The following DLG2 variants were observed in gnomAD, a reference collection of about 807,000 sequenced individuals.
DLG2 encodes discs large MAGUK scaffold protein 2, also known as disks large homolog 2.
Under a neutral mutation model 132.5 loss-of-function variants are expected in DLG2, and 45 were observed. The observed-to-expected ratio is 0.34, with a 90% CI of 0.27 to 0.44. The LOEUF (loss-of-function observed/expected upper bound fraction) is 0.44. Among genes scored for constraint, DLG2 ranks in the 20% least tolerant of loss-of-function variants. DLG2 has a pLI of 1.00. For synonymous variants in DLG2, 424 were observed against 419.6 expected, an observed-to-expected ratio of 1.01 and a Z score of -0.13; for missense variants, 1,045 against 1,196.9, an observed-to-expected ratio of 0.87 and a Z score of 1.87.
chr11:83,550,545 G>A (rs1292564664), intron 19 of DLG2, among the ~76,000 whole-genome samples: 4 of 152,144 alleles, frequency 2.6e-5, no homozygotes, highest in Non-Finnish European at 5.9e-5. Context: ...AGGCAAATCT[G>A]AACCTGCGCA....
At chr11:84,810,819 G>A (rs1272720137) in intron 6 of DLG2, among the ~76,000 whole-genome samples, 1 of 151,980 alleles carries the variant, frequency 6.6e-6, no homozygotes, top group African/African-American at 2.4e-5. Context: ...ATTATGCTGA[G>A]TTAAAAAAAA....
At chr11:84,585,889 C>T (rs1188958745) in intron 6 of DLG2, among the ~76,000 whole-genome samples, 1 of 152,230 alleles carries the variant, frequency 6.6e-6, no homozygotes, top group South Asian at 2.1e-4. Context: ...TGTGGGCTTA[C>T]ACCTGTAATC....
At chr11:84,092,213 T>C (rs1253136575) in intron 10 of DLG2, among the ~76,000 whole-genome samples, 2 of 152,204 alleles carry the variant, frequency 1.3e-5, no homozygotes, top group South Asian at 2.1e-4. Context: ...TGTAGGTTAT[T>C]AGGGGGCATC....
In DLG2 at chr11:85,066,230, C is replaced by A. The variant is rs569500914; in HGVS notation, c.357+45431G>T. Among the ~76,000 whole-genome samples the A allele has an allele frequency of 4.0e-5, 6 of 151,656 alleles. No individual in the cohort carries two copies. In the South Asian group the frequency reaches 1.2e-3, roughly 32 times the overall value. ...TGAACAAATTCCTGGAAACAAACAA[C>A]CTCCCAAGAATGACCAGGAAGAAAT... On this transcript the variant is annotated intron_variant, in intron 6 of 27. Transcript: ENST00000376104.
chr11:85,049,531 G>A (rs1270341984), intron 6 of DLG2, among the ~76,000 whole-genome samples: 7 of 151,860 alleles, frequency 4.6e-5, no homozygotes, highest in Non-Finnish European at 1.0e-4. Context: ...AGAATCTCTG[G>A]CCTCTACACA....
intron 19 of DLG2, among the ~76,000 whole-genome samples, chr11:83,579,410 T>C (rs1199139140): frequency 6.6e-6 from 1 of 152,264 alleles, no homozygotes; most frequent in Non-Finnish European, 1.5e-5. Flanking sequence ...TATGGCAATT[T>C]TGTTTCTGGC....
At chr11:84,956,359 G>A (rs2051664937) in intron 6 of DLG2, among the ~76,000 whole-genome samples, 1 of 152,164 alleles carries the variant, frequency 6.6e-6, no homozygotes, top group African/African-American at 2.4e-5. Flanking sequence ...CATTACATTG[G>A]TATTGTCAGC....
At chr11:84,116,191 TCTTAA>T (rs2093626314) in intron 9 of DLG2, among the ~76,000 whole-genome samples, 1 of 152,194 alleles carries the variant, frequency 6.6e-6, no homozygotes, top group African/African-American at 2.4e-5. Context: ...TGGGCTAGCT[TCTTAA>T]CTTCTCTTAA....
chr11:84,962,808 T>C (rs2052778159), intron 6 of DLG2, among the ~76,000 whole-genome samples: 1 of 152,204 alleles, frequency 6.6e-6, no homozygotes, highest in South Asian at 2.1e-4. Flanking sequence ...CTAAAGATAC[T>C]TCTATTTCTT....
intron 19 of DLG2, among the ~76,000 whole-genome samples, chr11:83,588,960 A>C (rs1343022905): frequency 6.7e-5 from 10 of 148,448 alleles, no homozygotes; most frequent in South Asian, 2.2e-4. Context: ...AAAAGAAATG[A>C]GCAAAGCCTC....
intron 6 of DLG2, among the ~76,000 whole-genome samples, chr11:84,602,393 ATAAAG>A (rs910429589): frequency 6.6e-6 from 1 of 152,028 alleles, no homozygotes; most frequent in Non-Finnish European, 1.5e-5. Context: ...ACAGAAAGAC[ATAAAG>A]TAATTATATT....
intron 18 of DLG2, among the ~76,000 whole-genome samples, chr11:83,736,368 A>C (rs963663860): frequency 1.3e-5 from 2 of 152,128 alleles, no homozygotes; most frequent in African/African-American, 4.8e-5. Flanking sequence ...CTCAACATAC[A>C]TACTAATTAG....
In DLG2 at chr11:84,322,056, A is replaced by C. The variant is rs1449542252; in HGVS notation, c.520-70765T>G. On this transcript the variant is annotated intron_variant, in intron 7 of 27. Coordinates refer to ENST00000376104, the MANE Select transcript of DLG2 (RefSeq NM_001142699.3). ...AAGTGGTTGCTAGTAGGGCAATGAA[A>C]GAGCTCTCTTATTTGCAACTGCATC... Among the ~76,000 whole-genome samples, 6 of 152,234 alleles carry C rather than the reference A, an allele frequency of 3.9e-5. No individual in the cohort carries two copies. In the East Asian group the frequency reaches 1.2e-3, roughly 29 times the overall value.
At chr11:85,279,604 TC>T (rs2078108602) in intron 4 of DLG2, among the ~76,000 whole-genome samples, 1 of 152,058 alleles carries the variant, frequency 6.6e-6, no homozygotes, top group Admixed American at 6.6e-5. Flanking sequence ...GTGTTTACTT[TC>T]CTCCCACCAT....
At chr11:83,580,256 G>T (rs1297427896) in intron 19 of DLG2, among the ~76,000 whole-genome samples, 2 of 151,396 alleles carry the variant, frequency 1.3e-5, no homozygotes, top group East Asian at 3.9e-4. Flanking sequence ...CTCTACTTTG[G>T]TTCCTTCCTT....
chr11:84,131,509 T>TTTCATTCA (rs539584408), intron 9 of DLG2, among the ~76,000 whole-genome samples: 1 of 151,918 alleles, frequency 6.6e-6, no homozygotes, highest in African/African-American at 2.4e-5. Context: ...CCCTATAGAA[T>TTTCATTCA]TTCATTCATT....
chr11:85,606,821 G>C (rs1344523499), intron 2 of DLG2, among the ~76,000 whole-genome samples: 2 of 151,896 alleles, frequency 1.3e-5, no homozygotes, highest in Non-Finnish European at 2.9e-5. Flanking sequence ...TTTAAGAGCT[G>C]TAACACTCAC....
At chr11:83,866,669 T>A (rs2062445196) in intron 16 of DLG2, among the ~76,000 whole-genome samples, 1 of 152,108 alleles carries the variant, frequency 6.6e-6, no homozygotes, top group Admixed American at 6.6e-5. Flanking sequence ...TATTAAAACT[T>A]TAAAAGGTTT....
chr11:84,315,239 GT>G, intron 7 of DLG2, among the ~76,000 whole-genome samples: 1 of 152,114 alleles, frequency 6.6e-6, no homozygotes, highest in Admixed American at 6.5e-5. Context: ...GGAAATAAAA[GT>G]TTCCCTCAGT....
Sources: gnomAD v4.1 joint callset for allele counts (sites outside exome capture counted in the v4.1 genomes callset) on GRCh38, gnomAD v4.1.1 for gene constraint, MANE v1.5 for transcripts, NCBI Gene and HGNC (gene_info 2026-07-23, HGNC 2026-07-21) for gene names.